Variants in AATK observed in about 807,000 individuals in gnomAD.
The protein encoded by AATK is lemur tail kinase 1.
AATK carries 91 observed loss-of-function variants against 114.3 expected under a neutral mutation model. The ratio of observed to expected loss-of-function variants is 0.80; its 90% CI spans 0.67 to 0.95. AATK has a LOEUF of 0.95. Among genes scored for constraint, AATK ranks in the 40% least tolerant of loss-of-function variants. The pLI is 0.00. For synonymous variants in AATK, 1,075 were observed against 916.5 expected (o/e 1.17, Z -3.12); for missense variants, 2,176 against 1,965.2 (o/e 1.11, Z -2.03).
intron 1 of AATK, among the ~76,000 whole-genome samples, chr17:81,156,049 T>G (rs1417152679): frequency 6.6e-6 from 1 of 152,066 alleles, no homozygotes; most frequent in Non-Finnish European, 1.5e-5. Flanking sequence ...CAACAATGTA[T>G]GTTACCATGT....
intron 1 of AATK, among the ~76,000 whole-genome samples, chr17:81,154,507 AT>A (rs2061337600): frequency 2.0e-5 from 3 of 151,408 alleles, no homozygotes; most frequent in Admixed American, 2.0e-4. Flanking sequence ...TTTAGTAGAG[AT>A]GGGTTTCACC....
At chr17:81,120,122 G>A (rs2060680094) in intron 11 of AATK, 39 bp from the exon 12 acceptor site, 1 of 1,475,730 alleles carries the variant, frequency 6.8e-7, no homozygotes, top group African/African-American at 1.4e-5. Flanking sequence ...TCGGCCGCCA[G>A]GAGCCGCGGC....
intron 1 of AATK, among the ~76,000 whole-genome samples, chr17:81,160,063 G>A (rs1436881834): frequency 6.6e-6 from 1 of 152,124 alleles, no homozygotes; most frequent in African/African-American, 2.4e-5. Flanking sequence ...ACTCCCCCTG[G>A]GGCAGGTGGC....
chr17:81,121,927 C>A lies in AATK; in HGVS notation c.2009G>T (p.Arg670Leu), dbSNP rs1210818318. Residue 670 changes from arginine (R) to leucine (L), a missense_variant, in exon 11 of 14, where the codon CGG becomes CTG. By Grantham distance (102) the Arg-to-Leu change is moderately radical (BLOSUM62 -2). Coordinates refer to ENST00000326724, the MANE Select transcript of AATK (RefSeq NM_001080395.3). Reference protein sequence around the residue: ...GEDELEEVGARRAAQRGHWRS... With the variant: ...GEDELEEVGALRAAQRGHWRS... ...CCAGTGCCCGCGCTGGGCGGCCCTCCGCGCTCCCACCTCCTCTAGCTCATC... is the reference window on the plus strand; with the variant it reads ...CCAGTGCCCGCGCTGGGCGGCCCTCAGCGCTCCCACCTCCTCTAGCTCATC... 3.1e-6 allele frequency: 5 copies of A among 1,600,394 alleles called. No individual in the cohort carries two copies. Among genetic ancestry groups the A allele is most frequent in the Non-Finnish European group, 8.5e-7 (1 of 1,178,344 alleles).
chr17:81,128,936 A>C (rs1598925776), intron 3 of AATK: 1 of 1,088,630 alleles, frequency 9.2e-7, no homozygotes, highest in East Asian at 6.7e-5. Flanking sequence ...GGAGCGGCCC[A>C]CCCCCACCCT....
At chr17:81,143,206 C>T (rs1475977224) in intron 1 of AATK, among the ~76,000 whole-genome samples, 1 of 152,012 alleles carries the variant, frequency 6.6e-6, no homozygotes, top group Non-Finnish European at 1.5e-5. Flanking sequence ...TGAGCCCCCA[C>T]CCCCGCAACG....
intron 1 of AATK, among the ~76,000 whole-genome samples, chr17:81,148,684 GCATA>G (rs2061254356): frequency 6.6e-6 from 1 of 152,192 alleles, no homozygotes; most frequent in Admixed American, 6.5e-5. Flanking sequence ...GAGGGAAGGA[GCATA>G]CAGACACACG....
intron 1 of AATK, among the ~76,000 whole-genome samples, chr17:81,163,918 GAC>G (rs2061454689): frequency 6.6e-6 from 1 of 152,246 alleles, no homozygotes; most frequent in Non-Finnish European, 1.5e-5. Flanking sequence ...GATGCTGAGT[GAC>G]ACACAAGCCA....
chr17:81,123,545 C>T (rs1568223617), intron 9 of AATK, among the ~76,000 whole-genome samples: 1 of 152,262 alleles, frequency 6.6e-6, no homozygotes, highest in Non-Finnish European at 1.5e-5. Flanking sequence ...GGCCCAAGCC[C>T]AGCACCTGTG....
rs937229980 is a variant in AATK at position 81,126,774 on chromosome 17, T to A, written c.622-214A>T. ...GCTGGGCTGGACTGAAGGCTTCCTC[T>A]CCACTGCCCCTCAGCCAGCCCCGGG... On this transcript the variant is annotated intron_variant, in intron 6 of 13. Coordinates refer to ENST00000326724, the MANE Select transcript of AATK (RefSeq NM_001080395.3). This position sits in a 1 kb window ranked among gnomAD's most constrained non-coding sequence, Gnocchi z 5.1. The A allele has an allele frequency of 3.6e-6, 5 of 1,386,770 alleles. No individual in the cohort carries two copies. The African/African-American group carries it at 7.3e-5, about 20-fold the overall frequency. The allele number at this position is 1,386,770 out of a possible 1,614,324, so 85.9% of individuals were successfully genotyped here. A position where few individuals can be genotyped will look rare whatever the true frequency, so the allele number is the denominator to read the frequency against.
chr17:81,122,925 G>T, intron 10 of AATK, 102 bp from the exon 11 acceptor site: 1 of 1,124,204 alleles, frequency 8.9e-7, no homozygotes, highest in Non-Finnish European at 1.2e-6. Context: ...TGTCTTGGGG[G>T]CATTAAGGGT....
chr17:81,156,742 C>T (rs1163536365), intron 1 of AATK, among the ~76,000 whole-genome samples: 2 of 152,144 alleles, frequency 1.3e-5, no homozygotes, highest in African/African-American at 2.4e-5. Flanking sequence ...TTCCTGAATT[C>T]GGTTTTTGGA....
chr17:81,136,109 T>C (rs4969398), intron 1 of AATK: 119,918 of 152,626 alleles, frequency 0.79, 47,610 homozygotes, highest in East Asian at 0.98. Context: ...CCAGCGCTCT[T>C]CGGAACTGCA....
At chr17:81,125,884 C>T (rs2060810625) in intron 7 of AATK, 1 of 468,496 alleles carries the variant, frequency 2.1e-6, no homozygotes, top group Non-Finnish European at 4.4e-6. Flanking sequence ...CAGCTGCCCT[C>T]TTCAACAAAA....
In AATK at chr17:81,121,198, C is replaced by T. The variant is rs1416788263; in HGVS notation, c.2738G>A (p.Ser913Asn). 4.4e-6 allele frequency: 7 copies of T among 1,604,328 alleles called. No homozygotes were observed. Among genetic ancestry groups the T allele is most frequent in the East Asian group, 2.2e-5 (1 of 44,586 alleles). ...LDSLDIPSSA[S>N]DGGYEVFSPS... ...GCTGAAGACCTCATAGCCACCATCA[C>T]TGGCTGAGGACGGGATGTCCAGGGA... The change falls in exon 11 of 14, where the codon AGT becomes AAT. Residue 913 changes from serine to asparagine, a missense_variant. Ser to Asn is a conservative substitution (Grantham distance 46). Coordinates refer to ENST00000326724, the MANE Select transcript of AATK (RefSeq NM_001080395.3).
chr17:81,118,636 C>G (rs1028036221), intron 13 of AATK, among the ~76,000 whole-genome samples, 194 bp from the exon 14 acceptor site: 2 of 152,262 alleles, frequency 1.3e-5, no homozygotes, highest in Non-Finnish European at 2.9e-5. Flanking sequence ...CAACAACTCT[C>G]AGCAAATGCC....
At chr17:81,130,597 C>G (rs775377024) in intron 3 of AATK, among the ~76,000 whole-genome samples, 2 of 152,192 alleles carry the variant, frequency 1.3e-5, no homozygotes, top group Non-Finnish European at 2.9e-5. Context: ...ACAATGGAAC[C>G]CGTGTCCCTG....
intron 7 of AATK, chr17:81,125,731 C>G (rs543769406): frequency 2.7e-6 from 1 of 364,400 alleles, no homozygotes; most frequent in South Asian, 2.0e-5. Flanking sequence ...GCCAACCCAG[C>G]CTGTCCCTCC....
chr17:81,125,844 T>C, intron 7 of AATK: 1 of 462,514 alleles, frequency 2.2e-6, no homozygotes, highest in Non-Finnish European at 4.5e-6. Context: ...GCAGGGCAGC[T>C]GGGGCCCGGC....
Sources: gnomAD v4.1 joint callset for allele counts (sites outside exome capture counted in the v4.1 genomes callset) on GRCh38, gnomAD v4.1.1 for gene constraint, Gnocchi (gnomAD v3.1) non-coding constraint, MANE v1.5 for transcripts, NCBI Gene and HGNC (gene_info 2026-07-23, HGNC 2026-07-21) for gene names.